The following FRY variants were observed in gnomAD, a reference collection of about 807,000 sequenced individuals.
FRY encodes FRY microtubule binding protein.
Under a neutral mutation model 348.4 loss-of-function variants are expected in FRY, and 128 were observed. That is an observed-to-expected ratio of 0.37 (90% CI 0.32 to 0.43). FRY has a LOEUF of 0.43. Ranked by LOEUF, FRY falls within the 20% of genes least tolerant of loss-of-function variation. FRY has a pLI of 1.00. For missense variants in FRY, 2,736 were observed against 3,695.2 expected (o/e 0.74, Z 6.73); for synonymous variants, 1,370 against 1,374.7 (o/e 1.00, Z 0.08).
At chr13:32,286,702 G>A (rs1309284854) in intron 58 of FRY, among the ~76,000 whole-genome samples, 20 of 126,728 alleles carry the variant, frequency 1.6e-4, no homozygotes, top group African/African-American at 3.1e-4. Context: ...AGCCAAGATC[G>A]CGCCACTGCA....
chr13:32,125,938 T>C (rs1308703527), intron 7 of FRY, among the ~76,000 whole-genome samples: 1 of 152,166 alleles, frequency 6.6e-6, no homozygotes, highest in Admixed American at 6.5e-5. Flanking sequence ...GGAAAGAAAC[T>C]GGCCAAAGCA....
chr13:32,118,172 C>T (rs769972973), intron 4 of FRY, among the ~76,000 whole-genome samples: 5 of 152,042 alleles, frequency 3.3e-5, no homozygotes, highest in African/African-American at 7.2e-5. Context: ...CATATAATTT[C>T]ATATGTTTAG....
chr13:32,264,944 A>G (rs972314558), intron 53 of FRY, among the ~76,000 whole-genome samples: 40 of 152,184 alleles, frequency 2.6e-4, no homozygotes, highest in Admixed American at 2.6e-3. Context: ...TTCCCTTGGT[A>G]AAGGGGTTCT....
intron 1 of FRY, among the ~76,000 whole-genome samples, chr13:32,065,846 G>T (rs143072344): frequency 6.6e-6 from 1 of 152,066 alleles, no homozygotes; most frequent in African/African-American, 2.4e-5. Context: ...TCAAGTGATC[G>T]TCCTGTCTAG....
chr13:32,251,862 T>C lies in FRY; in HGVS notation c.7171-16T>C, dbSNP rs1377194562. ...CAGGAACCCATAATGAAACCTGCCTTGTGTTTCTTTTCCAGAAGAGAACAA... is the reference window on the plus strand; with the variant it reads ...CAGGAACCCATAATGAAACCTGCCTCGTGTTTCTTTTCCAGAAGAGAACAA... On this transcript the variant is annotated splice_polypyrimidine_tract_variant and intron_variant, in intron 49 of 60. Transcript: ENST00000542859. 6.3e-7 allele frequency: 1 copy of C among 1,592,042 alleles called. No individual in the cohort carries two copies. The highest frequency in any genetic ancestry group is 1.7e-5 in the Admixed American group (1 of 60,006).
chr13:32,100,896 A>G (rs1044839667), intron 2 of FRY, among the ~76,000 whole-genome samples: 7 of 152,162 alleles, frequency 4.6e-5, no homozygotes, highest in Non-Finnish European at 1.0e-4. Flanking sequence ...GATCCCACTC[A>G]GGAGGGTTCT....
intron 2 of FRY, among the ~76,000 whole-genome samples, chr13:32,101,690 T>C (rs369755969): frequency 7.9e-5 from 12 of 152,234 alleles, no homozygotes; most frequent in East Asian, 7.7e-4. Flanking sequence ...TATCTCATTG[T>C]AGTTTTGAGT....
At chr13:32,221,243 G>A (rs77544611) in intron 36 of FRY, among the ~76,000 whole-genome samples, 13,332 of 152,204 alleles carry the variant, frequency 0.088, 744 homozygotes, top group East Asian at 0.17. Context: ...ATTCTACACT[G>A]GACCAGCAGC....
At chr13:32,124,254 G>T in intron 4 of FRY, 32 bp from the exon 5 acceptor site, 7 of 1,240,938 alleles carry the variant, frequency 5.6e-6, no homozygotes, top group Non-Finnish European at 8.3e-6. Flanking sequence ...TACCTTCAGT[G>T]TGCTTTAATG....
intron 1 of FRY, among the ~76,000 whole-genome samples, chr13:32,054,648 C>T (rs763255554): frequency 3.3e-5 from 5 of 151,956 alleles, no homozygotes; most frequent in African/African-American, 7.3e-5. Flanking sequence ...CCGAGGCAGG[C>T]GGATCACAAG....
intron 31 of FRY, among the ~76,000 whole-genome samples, chr13:32,203,410 G>A (rs1165127429): frequency 6.6e-6 from 1 of 152,172 alleles, no homozygotes; most frequent in Non-Finnish European, 1.5e-5. Flanking sequence ...CTGCAGTTAG[G>A]TAATGCAGAA....
At chr13:32,196,883 G>A (rs1883709239) in intron 29 of FRY, among the ~76,000 whole-genome samples, 1 of 152,076 alleles carries the variant, frequency 6.6e-6, no homozygotes, top group South Asian at 2.1e-4. Flanking sequence ...TAACTATTTG[G>A]CTTCTGTGTG....
At chr13:32,259,649 G>A (rs754422346) in intron 51 of FRY, among the ~76,000 whole-genome samples, 77 of 152,278 alleles carry the variant, frequency 5.1e-4, no homozygotes, top group African/African-American at 1.8e-3. Flanking sequence ...ATTTGTGTTT[G>A]TATATTTGTC....
At chr13:32,204,321 ATGAG>A (rs1251048743) in intron 31 of FRY, among the ~76,000 whole-genome samples, 3 of 53,880 alleles carry the variant, frequency 5.6e-5, no homozygotes, top group African/African-American at 2.2e-4. Context: ...TGTTTTACAG[ATGAG>A]ATGAGAAACT....
At chr13:32,102,914 T>G (rs1877259507) in intron 3 of FRY, among the ~76,000 whole-genome samples, 1 of 152,224 alleles carries the variant, frequency 6.6e-6, no homozygotes, top group Admixed American at 6.5e-5. Context: ...GGTAGTACGG[T>G]GTTTTTATGG....
At chr13:32,240,479 C>T (rs770996022) in intron 46 of FRY, among the ~76,000 whole-genome samples, 2 of 152,270 alleles carry the variant, frequency 1.3e-5, no homozygotes, top group Admixed American at 6.5e-5. Flanking sequence ...ACTTTATTCT[C>T]GCCTTTTATG....
At chr13:32,140,479 A>C in intron 11 of FRY, among the ~76,000 whole-genome samples, 1 of 152,174 alleles carries the variant, frequency 6.6e-6, no homozygotes, top group Non-Finnish European at 1.5e-5. Flanking sequence ...TCTACCAGGC[A>C]CAGTTCTAGG....
intron 1 of FRY, among the ~76,000 whole-genome samples, chr13:32,076,127 G>C (rs545939903): frequency 1.3e-5 from 2 of 152,166 alleles, no homozygotes; most frequent in African/African-American, 4.8e-5. Flanking sequence ...ATGCAGCCTT[G>C]TAGGAGGACT....
rs1171087589 is a variant in FRY at position 32,236,112 on chromosome 13, C to T, written c.5750C>T (p.Ala1917Val). Residue 1917 changes from alanine to valine, a missense_variant, in exon 43 of 61, where the codon GCG becomes GTG. This residue lies in a region of FRY where 794 missense variants were observed against 977.0 expected (regional missense o/e 0.81). Transcript: ENST00000542859. ...YVMEALLTLE[A>V]AVDNLSDCLK... ...ATGGAAGCGCTCCTAACCTTGGAGGCGGCTGTGGATAACTTGTCTGACTGC... is the reference window on the plus strand; with the variant it reads ...ATGGAAGCGCTCCTAACCTTGGAGGTGGCTGTGGATAACTTGTCTGACTGC... 6.2e-6 allele frequency: 10 copies of T among 1,613,722 alleles called. No individual in the cohort carries two copies. The highest frequency in any genetic ancestry group is 2.2e-5 in the South Asian group (2 of 91,078).
Sources: gnomAD v4.1 joint callset for allele counts (sites outside exome capture counted in the v4.1 genomes callset) on GRCh38, gnomAD v4.1.1 for gene constraint, gnomAD v4.1.1 regional missense constraint, MANE v1.5 for transcripts, NCBI Gene and HGNC (gene_info 2026-07-23, HGNC 2026-07-21) for gene names.